Variants in BRD9 observed in about 807,000 individuals in gnomAD.
The protein encoded by BRD9 is bromodomain-containing protein 9.
In BRD9, 47 loss-of-function variants were observed where a neutral mutation model predicts 68.7. The observed-to-expected ratio is 0.68, with a 90% CI of 0.54 to 0.87. The LOEUF is 0.87. Ranked by LOEUF, BRD9 falls within the 40% of genes least tolerant of loss-of-function variation. BRD9 has a pLI of 0.00. For missense variants in BRD9, 670 were observed against 748.4 expected, an observed-to-expected ratio of 0.90 and a Z score of 1.22; for synonymous variants, 313 against 293.9, an observed-to-expected ratio of 1.06 and a Z score of -0.67.
chr5:872,757 T>C (rs528243711), intron 12 of BRD9, among the ~76,000 whole-genome samples: 1 of 152,204 alleles, frequency 6.6e-6, no homozygotes, highest in Non-Finnish European at 1.5e-5. Context: ...TCCAGTTACT[T>C]AGATAACTCT....
At chr5:889,889 A>G (rs1753105806) in intron 3 of BRD9, 2 of 647,570 alleles carry the variant, frequency 3.1e-6, no homozygotes, top group Non-Finnish European at 2.5e-6. Context: ...CCTTACATCA[A>G]CAATATGTGG....
At chr5:875,893 C>T (rs948368248) in intron 12 of BRD9, among the ~76,000 whole-genome samples, 2 of 152,186 alleles carry the variant, frequency 1.3e-5, no homozygotes, top group Non-Finnish European at 2.9e-5. Flanking sequence ...TAGAGAGTTA[C>T]GAGTGCGCTG....
At chr5:881,295 A>G (rs1289460269) in intron 8 of BRD9, 113 bp from the exon 9 acceptor site, 2 of 1,009,958 alleles carry the variant, frequency 2.0e-6, no homozygotes, top group Admixed American at 4.3e-5. Flanking sequence ...TTGTCCAAGA[A>G]CAAACGCCAG....
Position 871,581 on chromosome 5 carries a change from G to A in BRD9, c.1384-17C>T. On this transcript the variant is annotated splice_polypyrimidine_tract_variant and intron_variant, in intron 12 of 15. Transcript: ENST00000467963. ...ATTTCTTCTCTGAAAAGTAAATGAGGACAGAAACTAGTTTTTCCAGAGTGA... is the reference window on the plus strand; with the variant it reads ...ATTTCTTCTCTGAAAAGTAAATGAGAACAGAAACTAGTTTTTCCAGAGTGA... 6.8e-6 allele frequency: 11 copies of A among 1,612,222 alleles called. No homozygotes were observed. The highest frequency in any genetic ancestry group is 1.1e-5 in the South Asian group (1 of 91,040).
chr5:877,525 A>C (rs1579950829), intron 11 of BRD9, among the ~76,000 whole-genome samples: 1 of 152,240 alleles, frequency 6.6e-6, no homozygotes, highest in East Asian at 1.9e-4. Context: ...CCATTTCTTA[A>C]AGGCTAGCAA....
At chr5:892,541 C>T in intron 1 of BRD9, 65 bp downstream of exon 1, 1 of 1,521,368 alleles carries the variant, frequency 6.6e-7, no homozygotes, top group Admixed American at 2.0e-5. Flanking sequence ...CGTCCGCGTG[C>T]CCGGAACTCC....
intron 7 of BRD9, 112 bp downstream of exon 7, chr5:886,478 CTA>C: frequency 9.4e-7 from 1 of 1,060,924 alleles, no homozygotes; most frequent in Non-Finnish European, 1.4e-6. Context: ...CCAAGAATGT[CTA>C]TGTGACATGA....
chr5:887,337 C>T (rs772879674), intron 6 of BRD9, 24 bp downstream of exon 6: 13 of 1,581,156 alleles, frequency 8.2e-6, no homozygotes, highest in Admixed American at 1.7e-5. Flanking sequence ...TTCCGTAGCT[C>T]GCTGCTGCCA....
Position 879,848 on chromosome 5 carries a change from T to TA in BRD9, c.1083dup (p.Lys362Ter). 1 of 717,524 alleles carries TA rather than the reference T, an allele frequency of 1.4e-6. No individual in the cohort carries two copies. Among genetic ancestry groups the TA allele is most frequent in the Admixed American group, 2.3e-5 (1 of 43,862 alleles). The allele number at this position is 717,524 out of a possible 1,614,324, so 44.4% of individuals were successfully genotyped here. A position where few individuals can be genotyped will look rare whatever the true frequency, so the allele number is the denominator to read the frequency against. ...AGCGTGGTGAAGCCTGGGAGTAGCT[T>TA]ACTGGAGAGCGAGCTCAAGTCCACC... On this transcript the variant is annotated frameshift_variant, in exon 10 of 16. Coordinates refer to ENST00000467963, the MANE Select transcript of BRD9 (RefSeq NM_023924.5). LOFTEE classifies it high-confidence loss of function.
chr5:889,859 CT>C, intron 3 of BRD9: 2 of 1,031,470 alleles, frequency 1.9e-6, no homozygotes, highest in South Asian at 2.7e-5. Flanking sequence ...TCATAAAAAT[CT>C]CTTGTAATAA....
Position 886,706 on chromosome 5 carries a change from T to G in BRD9, c.719A>C (p.Gln240Pro), listed in dbSNP as rs1281956602. Residue 240 changes from glutamine to proline, a missense_variant and splice_region_variant, in exon 7 of 16, where the codon CAG (glutamine) becomes CCG (proline). Physicochemically the swap from Gln to Pro is moderately conservative, Grantham distance 76 (BLOSUM62 -1). Transcript: ENST00000467963. The stretch of plus-strand genomic sequence containing the variant: ...ATCTTCATTGCCCAAAAGAGCTGCC[T>G]GCTGAGAAAAATCCATGTCCTGCAT... The part of the protein sequence containing the change: ...LHAGFKMMSK[Q>P]AALLGNEDTA... The G allele has an allele frequency of 6.2e-7, 1 of 1,614,186 alleles. No individual in the cohort carries two copies. Among genetic ancestry groups the G allele is most frequent in the East Asian group, 2.2e-5 (1 of 44,888 alleles).
rs1752600607 is a variant in BRD9 at position 886,585 on chromosome 5, C to T, written c.833+7G>A. 1 of 1,612,672 alleles carries T rather than the reference C, an allele frequency of 6.2e-7. No homozygotes were observed. Among genetic ancestry groups the T allele is most frequent in the Non-Finnish European group, 8.5e-7 (1 of 1,179,120 alleles). ...AAAAGCAAATGTGGTTTCCACAGAA[C>T]CTTTACCTGATAACTTCTCTACTCG... On this transcript the variant is annotated splice_region_variant and intron_variant, in intron 7 of 15. Coordinates refer to ENST00000467963, the MANE Select transcript of BRD9 (RefSeq NM_023924.5).
At chr5:889,697 C>T (rs748707424) in intron 3 of BRD9, 50 bp from the exon 4 acceptor site, 1 of 1,603,338 alleles carries the variant, frequency 6.2e-7, no homozygotes, top group Non-Finnish European at 8.5e-7. Flanking sequence ...GGTATCCCTT[C>T]ATTAGAGAGC....
Position 892,797 on chromosome 5 carries a change from G to A in BRD9, c.-140C>T, listed in dbSNP as rs984026349. 2.3e-5 allele frequency: 23 copies of A among 1,019,608 alleles called. No individual in the cohort carries two copies. Among genetic ancestry groups the A allele is most frequent in the South Asian group, 4.7e-5 (1 of 21,280 alleles). 63.2% of individuals were successfully genotyped at this position (1,019,608 alleles called of 1,614,324 possible). ...TTGCCGAGCTCGCTGGGCCGCGCCG[G>A]AAACGGGGCGAGGCGGGGCCGCGGC... On this transcript the variant is annotated 5_prime_UTR_variant, in exon 1 of 16. Transcript: ENST00000467963.
intron 11 of BRD9, among the ~76,000 whole-genome samples, chr5:876,524 C>T (rs569104649): frequency 2.0e-5 from 3 of 152,280 alleles, no homozygotes; most frequent in East Asian, 1.9e-4. Context: ...ACTCGTTATG[C>T]GTTTAAAAAC....
In BRD9 at chr5:892,617, G is replaced by T. The variant is rs987485355; in HGVS notation, c.41C>A (p.Ser14Ter). 2.0e-6 allele frequency: 3 copies of T among 1,528,486 alleles called. No homozygotes were observed. Among genetic ancestry groups the T allele is most frequent in the Non-Finnish European group, 2.6e-6 (3 of 1,137,224 alleles). 94.7% of individuals were successfully genotyped at this position (1,528,486 alleles called of 1,614,324 possible). A position where few individuals can be genotyped will look rare whatever the true frequency, so the allele number is the denominator to read the frequency against. ...CGCCGCCGCCTCACCCTCGTAGGACGAGCGCCACTCGGCCTTGTGCTTCTT... is the reference window on the plus strand; with the variant it reads ...CGCCGCCGCCTCACCCTCGTAGGACTAGCGCCACTCGGCCTTGTGCTTCTT... Reference protein sequence around the residue: ...KHKKHKAEWRSSYEDYADKPL... With the variant: ...KHKKHKAEWR Residue 14 changes from serine (S) to a stop codon, truncating the protein, a stop_gained, in exon 1 of 16, where the codon TCG becomes TAG. Coordinates refer to ENST00000467963, the MANE Select transcript of BRD9 (RefSeq NM_023924.5). LOFTEE classifies it high-confidence loss of function.
rs146228999 is a variant in BRD9, at chr5:873,658, C to T, written c.1384-2094G>A. On this transcript the variant is annotated intron_variant, in intron 12 of 15. Coordinates refer to ENST00000467963, the MANE Select transcript of BRD9 (RefSeq NM_023924.5). ...TTTATACATGAGCCTCCTGGCCCACCTTGCTTGGCGCCCTGCAAATACACA... is the reference window on the plus strand; with the variant it reads ...TTTATACATGAGCCTCCTGGCCCACTTTGCTTGGCGCCCTGCAAATACACA... Among the ~76,000 whole-genome samples, 649 of 152,318 alleles carry T rather than the reference C, an allele frequency of 4.3e-3. 5 individuals carry two copies. The highest frequency in any genetic ancestry group is 0.015 in the African/African-American group (631 of 41,564).
At chr5:892,283 G>T in intron 1 of BRD9, 1 of 499,052 alleles carries the variant, frequency 2.0e-6, no homozygotes, top group Non-Finnish European at 3.4e-6. Flanking sequence ...GGAGGGAAAG[G>T]CGGGAGAAAG....
chr5:889,692 C>T, intron 3 of BRD9, 45 bp from the exon 4 acceptor site: 3 of 1,605,486 alleles, frequency 1.9e-6, no homozygotes, highest in Non-Finnish European at 2.6e-6. Flanking sequence ...ACTTTGGTAT[C>T]CCTTCATTAG....
Sources: gnomAD v4.1 joint callset for allele counts (sites outside exome capture counted in the v4.1 genomes callset) on GRCh38, gnomAD v4.1.1 for gene constraint, MANE v1.5 for transcripts, NCBI Gene and HGNC (gene_info 2026-07-23, HGNC 2026-07-21) for gene names.